The following VPS37A variants were observed in gnomAD, a reference collection of about 807,000 sequenced individuals.
VPS37A encodes the protein vacuolar protein sorting-associated protein 37A.
A neutral mutation model predicts 49.8 loss-of-function variants in VPS37A; 30 were observed. That is an observed-to-expected ratio of 0.60 (90% CI 0.45 to 0.82). The LOEUF (loss-of-function observed/expected upper bound fraction) is 0.82, where lower values mean the gene tolerates loss of function less well. Among genes scored for constraint, VPS37A ranks in the 40% least tolerant of loss-of-function variants. VPS37A has a pLI of 0.00. For missense variants in VPS37A, 593 were observed against 464.4 expected (o/e 1.28, Z -2.55); for synonymous variants, 195 against 160.6 (o/e 1.21, Z -1.62).
chr8:17,264,178 T>C (rs1019675054), intron 1 of VPS37A, among the ~76,000 whole-genome samples: 8 of 152,134 alleles, frequency 5.3e-5, no homozygotes, highest in Non-Finnish European at 1.0e-4. Flanking sequence ...TGACAGTAAA[T>C]AAATGGTAAA....
At chr8:17,288,178 C>T (rs537609133) in intron 11 of VPS37A, among the ~76,000 whole-genome samples, 1 of 152,046 alleles carries the variant, frequency 6.6e-6, no homozygotes, top group Non-Finnish European at 1.5e-5. Context: ...CAAATCCGTT[C>T]CTTACCTCTA....
rs890994058 is a variant in VPS37A at position 17,284,399 on chromosome 8, A to G, written c.970-74A>G. The stretch of plus-strand genomic sequence containing the variant: ...TAATAAATTGCCTCTCCATACCACT[A>G]CCTTACTTCCTTTCCCTGTGAGGAG... On this transcript the variant is annotated intron_variant, in intron 9 of 11. Coordinates refer to ENST00000324849, the MANE Select transcript of VPS37A (RefSeq NM_152415.3). 46 of 1,491,406 alleles carry G rather than the reference A, an allele frequency of 3.1e-5. No individual in the cohort carries two copies. The South Asian group carries it at 6.6e-4, about 21-fold the overall frequency. The allele number at this position is 1,491,406 out of a possible 1,614,324, so 92.4% of individuals were successfully genotyped here. A position where few individuals can be genotyped will look rare whatever the true frequency, so the allele number is the denominator to read the frequency against.
At chr8:17,330,417 C>T in the VPS37A span, among the ~76,000 whole-genome samples, 4 of 152,172 alleles carry the variant, frequency 2.6e-5, no homozygotes, top group African/African-American at 9.7e-5. Flanking sequence ...GTTCGCAGAG[C>T]CGGAAGTGGT....
At chr8:17,250,043 G>A (rs902946007) in intron 1 of VPS37A, among the ~76,000 whole-genome samples, 1 of 152,148 alleles carries the variant, frequency 6.6e-6, no homozygotes, top group African/African-American at 2.4e-5. Context: ...GGACCGGCCC[G>A]GGCTCATATG....
At chr8:17,268,805 T>C (rs754446959) in intron 3 of VPS37A, 51 bp from the exon 4 acceptor site, 12 of 1,240,038 alleles carry the variant, frequency 9.7e-6, no homozygotes, top group Admixed American at 3.8e-5. Context: ...AATGAGACTT[T>C]ATAATCTTTT....
chr8:17,263,754 G>T (rs1168449415), intron 1 of VPS37A, among the ~76,000 whole-genome samples: 2 of 152,154 alleles, frequency 1.3e-5, no homozygotes, highest in East Asian at 3.9e-4. Flanking sequence ...GACCAGCCTA[G>T]CCAGCATGGT....
At chr8:17,252,998 T>C (rs1330293528) in intron 1 of VPS37A, among the ~76,000 whole-genome samples, 1 of 152,190 alleles carries the variant, frequency 6.6e-6, no homozygotes, top group Non-Finnish European at 1.5e-5. Context: ...TTGTAACCAG[T>C]GATTAAGACG....
intron 1 of VPS37A, among the ~76,000 whole-genome samples, chr8:17,262,097 T>C (rs1393901092): frequency 2.6e-5 from 4 of 152,066 alleles, no homozygotes; most frequent in African/African-American, 4.8e-5. Context: ...TTTGTATGCT[T>C]GATGCTGGGA....
chr8:17,325,935 C>T, the VPS37A span, among the ~76,000 whole-genome samples: 326 of 152,220 alleles, frequency 2.1e-3, 3 homozygotes, highest in Middle Eastern at 0.01. Context: ...TTATTGCTTC[C>T]CAAGAGAAAG....
the VPS37A span, among the ~76,000 whole-genome samples, chr8:17,319,072 G>T: frequency 4.6e-5 from 7 of 152,156 alleles, no homozygotes; most frequent in African/African-American, 1.7e-4. Context: ...TTAGATTTTA[G>T]TATTATGTGA....
chr8:17,276,368 A>G, intron 5 of VPS37A, 29 bp from the exon 6 acceptor site: 1 of 1,589,508 alleles, frequency 6.3e-7, no homozygotes, highest in Non-Finnish European at 8.6e-7. Context: ...AATGGCTGAA[A>G]TTTAATATCA....
At chr8:17,269,412 G>A (rs1232625496) in intron 4 of VPS37A, among the ~76,000 whole-genome samples, 2 of 151,780 alleles carry the variant, frequency 1.3e-5, no homozygotes, top group Admixed American at 6.6e-5. Flanking sequence ...CCTTTTTTCT[G>A]GAATTAATAA....
intron 9 of VPS37A, among the ~76,000 whole-genome samples, chr8:17,281,058 C>T (rs2188015): frequency 0.19 from 28,379 of 151,652 alleles, 3,209 homozygotes; most frequent in African/African-American, 0.31. Context: ...ATAAAATAGA[C>T]ATAAACCAAC....
Position 17,250,666 on chromosome 8 carries a change from C to T in VPS37A, c.125+3297C>T, listed in dbSNP as rs75090109. On this transcript the variant is annotated intron_variant, in intron 1 of 11. Coordinates refer to ENST00000324849, the MANE Select transcript of VPS37A (RefSeq NM_152415.3). ...TACAATTTTTAACCCCTTATAATTC[C>T]GAAAATTCCACTTCAGCAGTCTCTT... is the stretch of plus-strand genomic sequence containing the variant. 4.8e-3 allele frequency among the ~76,000 whole-genome samples: 729 copies of T among 152,176 alleles called. 12 individuals are homozygous for T. The highest frequency in any genetic ancestry group is 0.016 in the African/African-American group (683 of 41,504).
intron 6 of VPS37A, among the ~76,000 whole-genome samples, chr8:17,278,481 T>C (rs1814736157): frequency 6.6e-6 from 1 of 152,030 alleles, no homozygotes; most frequent in Non-Finnish European, 1.5e-5. Flanking sequence ...CAATAATGAG[T>C]TGCTGCACTA....
Position 17,276,406 on chromosome 8 carries a change from A to G in VPS37A, c.652A>G (p.Asn218Asp). Residue 218 changes from asparagine to aspartate, a missense_variant, in exon 6 of 12, where the codon AAT becomes GAT. Transcript: ENST00000324849. ...TVDASIPTSQ[N>D]GFGYKMPDVP... ...TAAAACTTTTCTTTAGACAAGCCAAAATGGTTTTGGGTACAAGATGCCAGA... is the reference window on the plus strand; with the variant it reads ...TAAAACTTTTCTTTAGACAAGCCAAGATGGTTTTGGGTACAAGATGCCAGA... The G allele has an allele frequency of 6.2e-7, 1 of 1,611,804 alleles. No homozygotes were observed. Among genetic ancestry groups the G allele is most frequent in the East Asian group, 2.2e-5 (1 of 44,762 alleles).
intron 1 of VPS37A, among the ~76,000 whole-genome samples, chr8:17,248,937 C>T (rs1046517430): frequency 2.6e-5 from 4 of 152,210 alleles, no homozygotes; most frequent in African/African-American, 9.6e-5. Flanking sequence ...CCTTTAAGAG[C>T]TACTCTCACA....
intron 1 of VPS37A, among the ~76,000 whole-genome samples, chr8:17,249,610 C>CTAT (rs1194253508): frequency 6.6e-6 from 1 of 152,148 alleles, no homozygotes; most frequent in Non-Finnish European, 1.5e-5. Context: ...TGCCACTCAC[C>CTAT]TATTCTTGTT....
At position 17,296,637 on chromosome 8, in the gene VPS37A, T is replaced by TA; in HGVS notation, c.*1652dup. On this transcript the variant is annotated 3_prime_UTR_variant, in exon 12 of 12. Transcript: ENST00000324849. ...ATTTGATTAATTCATTTGATCTATC[T>TA]ATGTTATTAAGTACCTACTAGGAAT... The TA allele has an allele frequency of 6.6e-6, 1 of 152,322 alleles. No individual in the cohort carries two copies. The highest frequency in any genetic ancestry group is 1.5e-5 in the Non-Finnish European group (1 of 68,030). The allele number at this position is 152,322 out of a possible 1,614,324, so 9.4% of individuals were successfully genotyped here.
Sources: gnomAD v4.1 joint callset for allele counts (sites outside exome capture counted in the v4.1 genomes callset) on GRCh38, gnomAD v4.1.1 for gene constraint, MANE v1.5 for transcripts, NCBI Gene and HGNC (gene_info 2026-07-23, HGNC 2026-07-21) for gene names.